Variants in HTR2C observed in about 807,000 individuals in gnomAD.
HTR2C encodes the protein 5-hydroxytryptamine (serotonin) receptor 2C, G protein-coupled.
Under a neutral mutation model 21.0 loss-of-function variants are expected in HTR2C, and 5 were observed. That is an observed-to-expected ratio of 0.24 (90% confidence interval 0.12 to 0.50). HTR2C has a LOEUF of 0.50. HTR2C is among the 20% of genes least tolerant of loss of function. The probability of loss-of-function intolerance (pLI) is 0.98; values close to 1 mark genes in which losing one functional copy is unlikely to be tolerated. For synonymous variants in HTR2C, 150 were observed against 145.3 expected, an observed-to-expected ratio of 1.03 and a Z score of -0.23; for missense variants, 271 against 371.2, an observed-to-expected ratio of 0.73 and a Z score of 2.22.
chrX:114,775,707 G>A (rs781834457), intron 4 of HTR2C: 190 of 620,343 alleles, frequency 3.1e-4, no homozygotes, highest in Non-Finnish European at 4.0e-4. Context: ...CTCTTATTCA[G>A]TTCTTTTCTA....
At chrX:114,894,615 C>T (rs1401771536) in intron 5 of HTR2C, among the ~76,000 whole-genome samples, 2 of 111,413 alleles carry the variant, frequency 1.8e-5, no homozygotes, top group Non-Finnish European at 3.8e-5. Context: ...TAAATTTATA[C>T]TTGAAATCTG....
chrX:114,643,203 A>T (rs1291339406), intron 2 of HTR2C, among the ~76,000 whole-genome samples: 2 of 110,074 alleles, frequency 1.8e-5, no homozygotes, highest in Admixed American at 9.8e-5. Context: ...AGCATTCAAA[A>T]TATATTAGGT....
At chrX:114,657,074 A>G (rs1556409392) in intron 2 of HTR2C, among the ~76,000 whole-genome samples, 1 of 111,328 alleles carries the variant, frequency 9.0e-6, no homozygotes, top group Admixed American at 9.6e-5. Flanking sequence ...AATCTTGCAA[A>G]TAAAGAAGTG....
At chrX:114,724,109 A>T (rs1438287086) in intron 2 of HTR2C, among the ~76,000 whole-genome samples, 2 of 106,067 alleles carry the variant, frequency 1.9e-5, no homozygotes, top group South Asian at 4.5e-4. Context: ...TAATGTTGAC[A>T]GTGGGGTGTT....
intron 2 of HTR2C, among the ~76,000 whole-genome samples, chrX:114,665,846 T>C (rs1931157084): frequency 9.0e-6 from 1 of 111,001 alleles, no homozygotes; most frequent in South Asian, 3.8e-4. Context: ...TAACTTTTTC[T>C]GAAACAAAAT....
At chrX:114,800,469 A>G (rs2070334782) in intron 4 of HTR2C, among the ~76,000 whole-genome samples, 1 of 111,364 alleles carries the variant, frequency 9.0e-6, no homozygotes, top group Admixed American at 9.7e-5. Flanking sequence ...TCTGAAGGAC[A>G]TTTATGCCCC....
rs60498146 is a variant in HTR2C at position 114,876,422 on chromosome X, C to CTTTTTTTTTTT, written c.550+28226_550+28236dup. Among the ~76,000 whole-genome samples, 18 of 62,392 alleles carry CTTTTTTTTTTT rather than the reference C, an allele frequency of 2.9e-4. 1 individual carries two copies. Among genetic ancestry groups the CTTTTTTTTTTT allele is most frequent in the East Asian group, 1.2e-3 (2 of 1,668 alleles). 54.2% of individuals were successfully genotyped at this position (62,392 alleles called of 115,157 possible). A position where few individuals can be genotyped will look rare whatever the true frequency, so the allele number is the denominator to read the frequency against. On this transcript the variant is annotated intron_variant, in intron 5 of 5. Transcript: ENST00000276198. Reference sequence around the variant, plus strand: ...TTTCTTTCTTTCTTTCTTTTTCTTTCTTTTTTTTTTTTTTTTTGCCTGCTT... The same window carrying CTTTTTTTTTTT: ...TTTCTTTCTTTCTTTCTTTTTCTTTCTTTTTTTTTTTTTTTTTTTTTTTTTTTTGCCTGCTT...
chrX:114,849,602 C>T (rs1228979228), intron 5 of HTR2C, among the ~76,000 whole-genome samples: 1 of 111,759 alleles, frequency 8.9e-6, no homozygotes, highest in African/African-American at 3.3e-5. Flanking sequence ...CAAGGGCCAA[C>T]CAACCTGAAT....
intron 4 of HTR2C, among the ~76,000 whole-genome samples, chrX:114,821,527 A>G (rs1556456257): frequency 9.0e-6 from 1 of 111,685 alleles, no homozygotes. Flanking sequence ...AAAATAATGT[A>G]TCCCATCAAA....
intron 4 of HTR2C, among the ~76,000 whole-genome samples, chrX:114,836,971 G>A (rs1452700300): frequency 9.0e-6 from 1 of 111,434 alleles, no homozygotes; most frequent in Non-Finnish European, 1.9e-5. Context: ...ATGCACAATG[G>A]ATGTTGTGAT....
At chrX:114,781,583 C>T (rs1203431243) in intron 4 of HTR2C, among the ~76,000 whole-genome samples, 1 of 109,775 alleles carries the variant, frequency 9.1e-6, no homozygotes, top group East Asian at 2.9e-4. Flanking sequence ...CCACTGCAGC[C>T]TTGATGTCCT....
intron 5 of HTR2C, among the ~76,000 whole-genome samples, chrX:114,900,199 C>T (rs1321386626): frequency 9.0e-6 from 1 of 111,460 alleles, no homozygotes; most frequent in Non-Finnish European, 1.9e-5. Flanking sequence ...ATCCAGAAAA[C>T]ATTCTCTTTT....
At chrX:114,671,048 T>G (rs1340808423) in intron 2 of HTR2C, among the ~76,000 whole-genome samples, 1 of 112,127 alleles carries the variant, frequency 8.9e-6, no homozygotes, top group Admixed American at 9.5e-5. Context: ...TGTCATTTAT[T>G]TGATTTGTGA....
In HTR2C at chrX:114,861,934, C is replaced by G. The variant is rs183834280; in HGVS notation, c.550+13731C>G. On this transcript the variant is annotated intron_variant, in intron 5 of 5. Transcript: ENST00000276198. ...TATTTTTTTCTCAATTCATAGGAAC[C>G]ATTTCATCTTGTGGATTATTTCCTT... Among the ~76,000 whole-genome samples the G allele has an allele frequency of 2.7e-3, 302 of 111,252 alleles. 1 individual carries two copies. Among genetic ancestry groups the G allele is most frequent in the African/African-American group, 9.1e-3 (280 of 30,812 alleles).
chrX:114,795,093 A>C (rs1228249651), intron 4 of HTR2C, among the ~76,000 whole-genome samples: 6 of 110,329 alleles, frequency 5.4e-5, no homozygotes, highest in East Asian at 2.9e-4. Context: ...ATGGTATCTC[A>C]TTGTGGTTTT....
At chrX:114,669,968 G>A (rs782455126) in intron 2 of HTR2C, among the ~76,000 whole-genome samples, 1 of 112,007 alleles carries the variant, frequency 8.9e-6, no homozygotes, top group Non-Finnish European at 1.9e-5. Flanking sequence ...CAGACGTGGT[G>A]GTTCACACCT....
intron 5 of HTR2C, among the ~76,000 whole-genome samples, chrX:114,878,030 C>T (rs1300997723): frequency 9.1e-6 from 1 of 110,491 alleles, no homozygotes; most frequent in African/African-American, 3.3e-5. Context: ...ATTGGTTGAT[C>T]TATACACTGT....
intron 2 of HTR2C, among the ~76,000 whole-genome samples, chrX:114,712,440 T>C (rs962432149): frequency 8.9e-6 from 1 of 111,888 alleles, no homozygotes; most frequent in Admixed American, 9.6e-5. Flanking sequence ...TGAAAAATTA[T>C]ACCCAGTCAT....
Position 114,616,225 on chromosome X carries a change from G to A in HTR2C, c.-80+2344G>A, listed in dbSNP as rs1238638221. Among the ~76,000 whole-genome samples, 7 of 107,647 alleles carry A rather than the reference G, an allele frequency of 6.5e-5. No individual in the cohort carries two copies. The East Asian group carries it at 2.0e-3, about 31-fold the overall frequency. The allele number at this position is 107,647 out of a possible 115,157, so 93.5% of individuals were successfully genotyped here. ...ACATCTACAGCCTGATATTCTTTGG[G>A]TTGTTTTTTTTTTAATCTCTGGGTC... On this transcript the variant is annotated intron_variant, in intron 2 of 5. Coordinates refer to ENST00000276198, the MANE Select transcript of HTR2C (RefSeq NM_000868.4).
Sources: allele counts gnomAD v4.1 joint callset (sites outside exome capture counted in the v4.1 genomes callset), GRCh38; gene constraint gnomAD v4.1.1; transcripts MANE v1.5; gene names NCBI Gene and HGNC (gene_info 2026-07-23, HGNC 2026-07-21).